LRRC20: variants seen among roughly 807,000 people sequenced by gnomAD.
The protein encoded by LRRC20 is leucine rich repeat containing 20.
Under a neutral mutation model 14.4 loss-of-function variants are expected in LRRC20, and 11 were observed. That is an observed-to-expected ratio of 0.77 (90% CI 0.48 to 1.27). The LOEUF (loss-of-function observed/expected upper bound fraction) is 1.27. LRRC20 is among the 50% of genes most tolerant of loss of function. LRRC20 has a pLI of 0.00. For synonymous variants in LRRC20, 121 were observed against 107.3 expected (o/e 1.13, Z -0.79); for missense variants, 219 against 251.2 (o/e 0.87, Z 0.87).
intron 2 of LRRC20, among the ~76,000 whole-genome samples, chr10:70,364,879 A>G (rs1199002267): frequency 6.6e-6 from 1 of 152,070 alleles, no homozygotes; most frequent in Non-Finnish European, 1.5e-5. Flanking sequence ...CATCTCCCAC[A>G]TGCACATCCA....
intron 4 of LRRC20, among the ~76,000 whole-genome samples, chr10:70,320,786 C>T (rs1464754691): frequency 6.6e-6 from 1 of 152,212 alleles, no homozygotes; most frequent in Non-Finnish European, 1.5e-5. Context: ...TCAGGTACCA[C>T]CTCCCAGTGG....
chr10:70,332,965 C>T (rs572553064), intron 3 of LRRC20, among the ~76,000 whole-genome samples: 3 of 152,188 alleles, frequency 2.0e-5, no homozygotes, highest in African/African-American at 7.2e-5. Context: ...AAATAGGATA[C>T]GTTTTTCAAA....
At chr10:70,345,205 A>C (rs1477842883) in intron 2 of LRRC20, among the ~76,000 whole-genome samples, 1 of 152,210 alleles carries the variant, frequency 6.6e-6, no homozygotes, top group Admixed American at 6.5e-5. Flanking sequence ...ATAATGTCAT[A>C]ATAAATGCTA....
chr10:70,320,045 A>C (rs899532869), intron 4 of LRRC20, among the ~76,000 whole-genome samples: 11 of 152,196 alleles, frequency 7.2e-5, no homozygotes, highest in African/African-American at 2.7e-4. Context: ...ATTTGGCCAC[A>C]GGCAGAGAAA....
chr10:70,305,256 G>A lies in LRRC20; in HGVS notation c.401-3748C>T, dbSNP rs111859169. 2.0e-3 allele frequency among the ~76,000 whole-genome samples: 309 copies of A among 152,300 alleles called. 1 individual carries two copies. The highest frequency in any genetic ancestry group is 6.8e-3 in the African/African-American group (283 of 41,578). Reference sequence around the variant, plus strand: ...CGTGAATGAACCTTGAGGTTCACCTGTCCATGGTCACTTGGGTTGTTCCCA... The same window carrying A: ...CGTGAATGAACCTTGAGGTTCACCTATCCATGGTCACTTGGGTTGTTCCCA... On this transcript the variant is annotated intron_variant, in intron 4 of 4. Transcript: ENST00000446961.
chr10:70,381,091 A>G (rs75624351), intron 1 of LRRC20, among the ~76,000 whole-genome samples: 1 of 152,234 alleles, frequency 6.6e-6, no homozygotes, highest in Non-Finnish European at 1.5e-5. Flanking sequence ...GCTTCTGTGT[A>G]GCGAACTAAG....
intron 2 of LRRC20, among the ~76,000 whole-genome samples, chr10:70,372,104 G>T (rs1844299559): frequency 6.8e-6 from 1 of 148,120 alleles, no homozygotes; most frequent in Admixed American, 6.7e-5. Context: ...GAAAAGCCAG[G>T]GAAGCCTATG....
intron 1 of LRRC20, among the ~76,000 whole-genome samples, chr10:70,378,893 C>G (rs571082162): frequency 1.3e-5 from 2 of 152,184 alleles, no homozygotes; most frequent in Admixed American, 6.5e-5. Flanking sequence ...TTGCAGTGAG[C>G]CGAGATCGTC....
At chr10:70,372,589 C>A (rs1844329582) in intron 2 of LRRC20, among the ~76,000 whole-genome samples, 2 of 151,790 alleles carry the variant, frequency 1.3e-5, no homozygotes, top group South Asian at 4.2e-4. Context: ...CTACAGGTGC[C>A]CGCCACCACG....
At chr10:70,370,416 A>C (rs1844221331) in intron 2 of LRRC20, among the ~76,000 whole-genome samples, 1 of 152,180 alleles carries the variant, frequency 6.6e-6, no homozygotes, top group South Asian at 2.1e-4. Flanking sequence ...TGTGAGCAAG[A>C]GTCAGCAGGA....
intron 2 of LRRC20, among the ~76,000 whole-genome samples, chr10:70,348,727 G>A (rs1375699578): frequency 6.6e-6 from 1 of 152,180 alleles, no homozygotes; most frequent in Non-Finnish European, 1.5e-5. Context: ...ATGGGAAACC[G>A]AGGTCTTGTC....
intron 4 of LRRC20, among the ~76,000 whole-genome samples, chr10:70,322,765 T>C (rs1842137421): frequency 6.6e-6 from 1 of 152,076 alleles, no homozygotes; most frequent in African/African-American, 2.4e-5. Context: ...TGCAACCCGA[T>C]GCACTCTCAT....
chr10:70,374,034 A>C (rs1008406334), intron 2 of LRRC20, among the ~76,000 whole-genome samples: 3 of 152,184 alleles, frequency 2.0e-5, no homozygotes, highest in Non-Finnish European at 2.9e-5. Flanking sequence ...TCCAGTCCAC[A>C]GAGGTTGAAG....
chr10:70,337,555 A>G (rs1309482132), intron 3 of LRRC20, among the ~76,000 whole-genome samples: 4 of 152,176 alleles, frequency 2.6e-5, no homozygotes, highest in Non-Finnish European at 5.9e-5. Context: ...TGCATGGGCT[A>G]AGTAGCATTT....
chr10:70,347,946 T>C (rs964256544), intron 2 of LRRC20, among the ~76,000 whole-genome samples: 2 of 152,108 alleles, frequency 1.3e-5, no homozygotes, highest in Admixed American at 1.3e-4. Context: ...GCCTGGAATG[T>C]CACCTCCGAC....
At chr10:70,349,835 G>A (rs1243527218) in intron 2 of LRRC20, among the ~76,000 whole-genome samples, 1 of 152,164 alleles carries the variant, frequency 6.6e-6, no homozygotes, top group African/African-American at 2.4e-5. Context: ...AGTTTAAGCA[G>A]GACTTTCCTA....
At position 70,324,216 on chromosome 10, in the gene LRRC20, C is replaced by CTA. The variant is rs1254228353; in HGVS notation, c.233-188_233-187dup. Among the ~76,000 whole-genome samples the CTA allele has an allele frequency of 2.0e-5, 3 of 152,322 alleles. No homozygotes were observed. The East Asian group carries it at 5.8e-4, about 29-fold the overall frequency. The stretch of plus-strand genomic sequence containing the variant: ...TTGTGCTAGAGGAGGGGTCACCCTC[C>CTA]TACCGCTGCCCGGGGCCTGCCACCT... On this transcript the variant is annotated intron_variant, in intron 3 of 4. Coordinates refer to ENST00000446961, the MANE Select transcript of LRRC20 (RefSeq NM_001278212.2).
At chr10:70,334,920 A>C (rs769863657) in intron 3 of LRRC20, among the ~76,000 whole-genome samples, 11 of 152,166 alleles carry the variant, frequency 7.2e-5, no homozygotes, top group Non-Finnish European at 1.6e-4. Context: ...GGCAGGCACC[A>C]GGAGCTGCTG....
chr10:70,322,433 G>A (rs1326447219), intron 4 of LRRC20, among the ~76,000 whole-genome samples: 1 of 152,210 alleles, frequency 6.6e-6, no homozygotes, highest in African/African-American at 2.4e-5. Flanking sequence ...GGCCAGGAAT[G>A]CAGGGGGCAA....
Sources: gnomAD v4.1 joint callset for allele counts (sites outside exome capture counted in the v4.1 genomes callset) on GRCh38, gnomAD v4.1.1 for gene constraint, MANE v1.5 for transcripts, NCBI Gene and HGNC (gene_info 2026-07-23, HGNC 2026-07-21) for gene names.